The following CDC25C variants were observed in gnomAD, a reference collection of about 807,000 sequenced individuals.
The protein encoded by CDC25C is cell division cycle 25C.
Under a neutral mutation model 52.5 loss-of-function variants are expected in CDC25C, and 48 were observed. The ratio of observed to expected loss-of-function variants is 0.91; its 90% CI spans 0.72 to 1.16. CDC25C has a LOEUF of 1.16. Among genes scored for constraint, CDC25C ranks in the 50% most tolerant of loss-of-function variants. The pLI is 0.00. For synonymous variants in CDC25C, 187 were observed against 206.5 expected (o/e 0.91, Z 0.81); for missense variants, 510 against 566.1 (o/e 0.90, Z 1.01).
At chr5:138,306,502 G>T (rs562793522) in intron 7 of CDC25C, among the ~76,000 whole-genome samples, 1 of 151,912 alleles carries the variant, frequency 6.6e-6, no homozygotes, top group East Asian at 1.9e-4. Context: ...TTGAGACAGG[G>T]TCTCACTCTG....
intron 6 of CDC25C, among the ~76,000 whole-genome samples, chr5:138,319,650 G>A (rs1478825220): frequency 6.6e-6 from 1 of 152,164 alleles, no homozygotes; most frequent in African/African-American, 2.4e-5. Context: ...TCTTATATTT[G>A]ATGAGAGATT....
At position 138,328,582 on chromosome 5, in the gene CDC25C, C is replaced by T; in HGVS notation, c.290-53G>A. The T allele has an allele frequency of 1.4e-6, 2 of 1,446,282 alleles. 1 individual carries two copies. Among genetic ancestry groups the T allele is most frequent in the South Asian group, 2.3e-5 (2 of 87,328 alleles). The allele number at this position is 1,446,282 out of a possible 1,614,324, so 89.6% of individuals were successfully genotyped here. Reference sequence around the variant, plus strand: ...AAGGAGTTATTCTTGTCCATGCATCCTGTTTTTCCTTCAGATTTTCTTCAT... The same window carrying T: ...AAGGAGTTATTCTTGTCCATGCATCTTGTTTTTCCTTCAGATTTTCTTCAT... On this transcript the variant is annotated intron_variant, in intron 3 of 13. Transcript: ENST00000323760.
chr5:138,297,754 T>C (rs1280157655), intron 7 of CDC25C, among the ~76,000 whole-genome samples: 1 of 152,144 alleles, frequency 6.6e-6, no homozygotes, highest in Non-Finnish European at 1.5e-5. Context: ...ATAAATATAC[T>C]CTGTACTTTT....
intron 9 of CDC25C, 32 bp downstream of exon 9, chr5:138,290,607 C>T (rs370236779): frequency 1.7e-4 from 196 of 1,187,592 alleles, no homozygotes; most frequent in Middle Eastern, 1.1e-3. Flanking sequence ...AAATGACTCA[C>T]TGAAATACAG....
chr5:138,322,269 G>A (rs928481044), intron 6 of CDC25C, among the ~76,000 whole-genome samples: 8 of 147,682 alleles, frequency 5.4e-5, no homozygotes, highest in Admixed American at 2.0e-4. Flanking sequence ...CCAAAGTGAT[G>A]GGATTACAGG....
chr5:138,319,169 A>G lies in CDC25C; in HGVS notation c.615+50T>C, dbSNP rs375493571. ...TAATTTGTCTAGTTCTTCTTTTAACAGAATGAAGGAATATGAAGAATACAA... is the reference window on the plus strand; with the variant it reads ...TAATTTGTCTAGTTCTTCTTTTAACGGAATGAAGGAATATGAAGAATACAA... On this transcript the variant is annotated intron_variant, in intron 7 of 13. Transcript: ENST00000323760. 7 of 1,482,518 alleles carry G rather than the reference A, an allele frequency of 4.7e-6. No individual in the cohort carries two copies. The South Asian group carries it at 7.5e-5, about 16-fold the overall frequency. 91.8% of individuals were successfully genotyped at this position (1,482,518 alleles called of 1,614,324 possible). A position where few individuals can be genotyped will look rare whatever the true frequency, so the allele number is the denominator to read the frequency against.
intron 4 of CDC25C, among the ~76,000 whole-genome samples, chr5:138,327,245 C>T (rs868559807): frequency 1.2e-4 from 18 of 148,452 alleles, no homozygotes; most frequent in Admixed American, 6.7e-5. Context: ...CAGAGCGAGA[C>T]TCCATCTCAA....
At chr5:138,297,154 G>A (rs1366012336) in intron 7 of CDC25C, among the ~76,000 whole-genome samples, 6 of 151,434 alleles carry the variant, frequency 4.0e-5, no homozygotes, top group African/African-American at 1.5e-4. Flanking sequence ...CTCGTGATTC[G>A]CCTGCCTCGG....
In CDC25C at chr5:138,289,607, C is replaced by G. The variant is rs756851810; in HGVS notation, c.865-44G>C. On this transcript the variant is annotated intron_variant, in intron 9 of 13. Coordinates refer to ENST00000323760, the MANE Select transcript of CDC25C (RefSeq NM_001790.5). ...TGAAATAACAGCAAGTATTCCACACCCAAGTTTGAGATCAAAGACCCTTAT... is the reference window on the plus strand; with the variant it reads ...TGAAATAACAGCAAGTATTCCACACGCAAGTTTGAGATCAAAGACCCTTAT... 12 of 1,509,400 alleles carry G rather than the reference C, an allele frequency of 8.0e-6. No individual in the cohort carries two copies. In the South Asian group the frequency reaches 1.2e-4, roughly 16 times the overall value. The allele number at this position is 1,509,400 out of a possible 1,614,324, so 93.5% of individuals were successfully genotyped here. A position where few individuals can be genotyped will look rare whatever the true frequency, so the allele number is the denominator to read the frequency against.
chr5:138,315,909 G>A (rs369801607), intron 7 of CDC25C, among the ~76,000 whole-genome samples: 23 of 152,336 alleles, frequency 1.5e-4, no homozygotes, highest in Non-Finnish European at 4.4e-5. Context: ...TGGAGCTAGC[G>A]GGAGCCCTTC....
intron 7 of CDC25C, among the ~76,000 whole-genome samples, chr5:138,294,047 A>T: frequency 7.3e-6 from 1 of 136,388 alleles, no homozygotes; most frequent in African/African-American, 2.7e-5. Context: ...TTTTTTTGAG[A>T]CAGAGTCTCA....
intron 1 of CDC25C, 62 bp from the exon 2 acceptor site, chr5:138,331,280 C>T (rs767940685): frequency 3.3e-4 from 367 of 1,110,014 alleles, no homozygotes; most frequent in Non-Finnish European, 4.4e-4. Context: ...CTAAACTCCT[C>T]CACCCTTTCC....
intron 7 of CDC25C, 119 bp downstream of exon 7, chr5:138,319,100 G>T: frequency 1.2e-6 from 1 of 824,342 alleles, no homozygotes. Context: ...GAGGGTTGCT[G>T]GATTCACTAG....
chr5:138,329,657 C>T lies in CDC25C; in HGVS notation c.195-10G>A, dbSNP rs1390609087. The stretch of plus-strand genomic sequence containing the variant: ...ACGTTTTGGGGTTCCTCTGTTGAGA[C>T]ATAATAGTACATCGAAATTCCCATT... On this transcript the variant is annotated splice_polypyrimidine_tract_variant and intron_variant, in intron 2 of 13. Coordinates refer to ENST00000323760, the MANE Select transcript of CDC25C (RefSeq NM_001790.5). 2.8e-6 allele frequency: 4 copies of T among 1,417,474 alleles called. No homozygotes were observed. The Admixed American group carries it at 5.2e-5, about 18-fold the overall frequency. The allele number at this position is 1,417,474 out of a possible 1,614,324, so 87.8% of individuals were successfully genotyped here.
chr5:138,331,554 G>A, intron 1 of CDC25C, 41 bp downstream of exon 1: 1 of 1,064,942 alleles, frequency 9.4e-7, no homozygotes, highest in Non-Finnish European at 1.1e-6. Context: ...GGGGACAATG[G>A]GGTCTCCGTG....
At chr5:138,333,259 G>A (rs1760521685), upstream of CDC25C, among the ~76,000 whole-genome samples, 1 of 152,136 alleles carries the variant, frequency 6.6e-6, no homozygotes, top group South Asian at 2.1e-4. Flanking sequence ...GTCTAAAGTG[G>A]GGTCATTATC....
chr5:138,331,915 T>C, upstream of CDC25C: 1 of 985,448 alleles, frequency 1.0e-6, no homozygotes, highest in South Asian at 4.7e-5. Flanking sequence ...CAGGGCCTCA[T>C]GGCCTATCGT....
intron 7 of CDC25C, among the ~76,000 whole-genome samples, chr5:138,315,079 G>A (rs1758777132): frequency 6.6e-6 from 1 of 151,666 alleles, no homozygotes; most frequent in Non-Finnish European, 1.5e-5. Flanking sequence ...GGTTACAGAT[G>A]CTCACCACCA....
At chr5:138,290,029 T>A (rs1178581401) in intron 9 of CDC25C, among the ~76,000 whole-genome samples, 1 of 152,016 alleles carries the variant, frequency 6.6e-6, no homozygotes. Flanking sequence ...ATCATGCCAA[T>A]GTACTCCAGC....
Sources: allele counts gnomAD v4.1 joint callset (sites outside exome capture counted in the v4.1 genomes callset), GRCh38; gene constraint gnomAD v4.1.1; transcripts MANE v1.5; gene names NCBI Gene and HGNC (gene_info 2026-07-23, HGNC 2026-07-21).